SYT9: variants seen among roughly 807,000 people sequenced by gnomAD.
SYT9 encodes the protein synaptotagmin-9.
A neutral mutation model predicts 48.4 loss-of-function variants in SYT9; 22 were observed. That is an observed-to-expected ratio of 0.45 (90% CI 0.32 to 0.65). SYT9 has a LOEUF of 0.65. Among genes scored for constraint, SYT9 ranks in the 30% least tolerant of loss-of-function variants. SYT9 has a pLI of 0.03. For synonymous variants in SYT9, 265 were observed against 245.0 expected (o/e 1.08, Z -0.76); for missense variants, 577 against 622.0 (o/e 0.93, Z 0.77).
At chr11:7,260,725 G>T (rs1399674910) in intron 1 of SYT9, among the ~76,000 whole-genome samples, 1 of 152,098 alleles carries the variant, frequency 6.6e-6, no homozygotes, top group Non-Finnish European at 1.5e-5. Flanking sequence ...TAACAGATTG[G>T]AATCAATGAA....
intron 1 of SYT9, among the ~76,000 whole-genome samples, chr11:7,287,342 C>T (rs946256029): frequency 6.6e-6 from 1 of 152,174 alleles, no homozygotes; most frequent in Non-Finnish European, 1.5e-5. Context: ...CCCACTGGGT[C>T]ACTCCCATGA....
intron 1 of SYT9, among the ~76,000 whole-genome samples, chr11:7,277,325 G>A (rs917643818): frequency 1.3e-5 from 2 of 152,184 alleles, no homozygotes; most frequent in African/African-American, 2.4e-5. Flanking sequence ...TCCAAAATCT[G>A]AAAAATATTA....
chr11:7,437,822 C>G (rs1327679520), intron 6 of SYT9: 1 of 152,192 alleles, frequency 6.6e-6, no homozygotes, highest in Non-Finnish European at 1.5e-5. Context: ...CTGTGCTGTG[C>G]TTAGCCTAAA....
Position 7,313,879 on chromosome 11 carries a change from C to G in SYT9, c.982C>G (p.Leu328Val), listed in dbSNP as rs1345681759. The part of the protein sequence containing the change: ...LIGQVVVDHF[L>V]DLADFPRECI... Reference sequence around the variant, plus strand: ...CGGCCAAGTGGTGGTGGATCACTTCCTAGACTTGGCTGATTTCCCCAGGGA... The same window carrying G: ...CGGCCAAGTGGTGGTGGATCACTTCGTAGACTTGGCTGATTTCCCCAGGGA... The change falls in exon 3 of 7, where the codon CTA becomes GTA. Residue 328 changes from leucine to valine, a missense_variant. Physicochemically the swap from Leu to Val is conservative, Grantham distance 32 (BLOSUM62 1). Transcript: ENST00000318881. 1 of 1,613,930 alleles carries G rather than the reference C, an allele frequency of 6.2e-7. No homozygotes were observed. The highest frequency in any genetic ancestry group is 1.3e-5 in the African/African-American group (1 of 74,922).
chr11:7,361,501 C>G (rs1850136245), intron 3 of SYT9, among the ~76,000 whole-genome samples: 1 of 152,128 alleles, frequency 6.6e-6, no homozygotes, highest in Non-Finnish European at 1.5e-5. Flanking sequence ...TTATTCTCTC[C>G]TGTTGTTGAA....
chr11:7,399,235 A>T (rs12286517), intron 3 of SYT9, among the ~76,000 whole-genome samples: 1,635 of 152,262 alleles, frequency 0.011, 26 homozygotes, highest in African/African-American at 0.038. Context: ...ACCATATATG[A>T]CCTGAAGAAA....
chr11:7,417,572 G>A (rs1234057695), intron 4 of SYT9, among the ~76,000 whole-genome samples: 1 of 152,166 alleles, frequency 6.6e-6, no homozygotes, highest in African/African-American at 2.4e-5. Flanking sequence ...TTAAAGACCT[G>A]AAAAGATTCC....
intron 3 of SYT9, among the ~76,000 whole-genome samples, chr11:7,322,752 C>A (rs1164686663): frequency 2.0e-5 from 3 of 152,110 alleles, no homozygotes; most frequent in Admixed American, 6.6e-5. Flanking sequence ...CAGAATTTAG[C>A]TGAAGAAAGA....
At chr11:7,443,660 G>A (rs551978462) in intron 6 of SYT9, among the ~76,000 whole-genome samples, 1 of 152,232 alleles carries the variant, frequency 6.6e-6, no homozygotes, top group Admixed American at 6.5e-5. Flanking sequence ...CTCATCTCCA[G>A]ATGCAGATCC....
intron 3 of SYT9, among the ~76,000 whole-genome samples, chr11:7,337,480 G>A (rs191103313): frequency 1.3e-5 from 2 of 152,210 alleles, no homozygotes; most frequent in East Asian, 3.9e-4. Flanking sequence ...TATCCATTCA[G>A]TATTATGTTG....
chr11:7,275,644 T>C (rs1467279433), intron 1 of SYT9, among the ~76,000 whole-genome samples: 2 of 152,216 alleles, frequency 1.3e-5, no homozygotes, highest in Non-Finnish European at 2.9e-5. Context: ...TCAAGATTCA[T>C]ATTCCAGCCC....
At chr11:7,301,167 A>G (rs1848912262) in intron 1 of SYT9, among the ~76,000 whole-genome samples, 8 of 152,100 alleles carry the variant, frequency 5.3e-5, no homozygotes, top group Admixed American at 5.2e-4. Context: ...ATTTGAGGAG[A>G]CAAAAGTGAA....
At chr11:7,387,862 CAT>C (rs1850691226) in intron 3 of SYT9, among the ~76,000 whole-genome samples, 1 of 152,078 alleles carries the variant, frequency 6.6e-6, no homozygotes, top group African/African-American at 2.4e-5. Context: ...AACGTGAAAA[CAT>C]GTATGTTTGT....
At chr11:7,288,717 G>T (rs997000956) in intron 1 of SYT9, among the ~76,000 whole-genome samples, 2 of 151,878 alleles carry the variant, frequency 1.3e-5, no homozygotes, top group Non-Finnish European at 2.9e-5. Flanking sequence ...GTCTCCTGAT[G>T]CTGCTCCTGT....
chr11:7,465,020 G>A (rs145728419), intron 6 of SYT9, among the ~76,000 whole-genome samples: 140 of 151,796 alleles, frequency 9.2e-4, no homozygotes, highest in African/African-American at 3.1e-3. Context: ...CCCGGGAGGT[G>A]GAGCTTGCAG....
chr11:7,393,388 T>C (rs1846677265), intron 3 of SYT9, among the ~76,000 whole-genome samples: 1 of 152,010 alleles, frequency 6.6e-6, no homozygotes, highest in Non-Finnish European at 1.5e-5. Context: ...TAATTCTGCT[T>C]ATATGGCCAA....
chr11:7,459,285 A>G (rs1314899625), intron 6 of SYT9, among the ~76,000 whole-genome samples: 1 of 152,228 alleles, frequency 6.6e-6, no homozygotes, highest in East Asian at 1.9e-4. Context: ...TAGATGCAGG[A>G]ATCTAGAGTT....
intron 3 of SYT9, among the ~76,000 whole-genome samples, chr11:7,329,369 GA>G (rs372337086): frequency 1.1e-4 from 16 of 152,148 alleles, no homozygotes; most frequent in African/African-American, 3.9e-4. Flanking sequence ...TAGAAGCTTT[GA>G]CTCTTAAAAC....
At chr11:7,243,943 AT>A (rs10631365) in intron 1 of SYT9, among the ~76,000 whole-genome samples, 44,924 of 147,732 alleles carry the variant, frequency 0.3, 7,110 homozygotes, top group Non-Finnish European at 0.35. Context: ...TGCAGAAAGC[AT>A]TTTTTTTTTT....
Sources: allele counts gnomAD v4.1 joint callset (sites outside exome capture counted in the v4.1 genomes callset), GRCh38; gene constraint gnomAD v4.1.1; transcripts MANE v1.5; gene names NCBI Gene and HGNC (gene_info 2026-07-23, HGNC 2026-07-21).